Variants in TIMM23 observed in about 807,000 individuals in gnomAD.
TIMM23 encodes the protein mitochondrial import inner membrane translocase subunit Tim23.
A neutral mutation model predicts 30.7 loss-of-function variants in TIMM23; 19 were observed. The ratio of observed to expected loss-of-function variants is 0.62; its 90% CI spans 0.43 to 0.91. TIMM23 has a LOEUF of 0.91. Ranked by LOEUF, TIMM23 falls within the 40% of genes least tolerant of loss-of-function variation. The pLI is 0.00. For missense variants in TIMM23, 202 were observed against 269.2 expected (o/e 0.75, Z 1.75); for synonymous variants, 78 against 98.5 (o/e 0.79, Z 1.23).
At chr10:46,000,224 G>A (rs1372895488) in intron 6 of TIMM23, among the ~76,000 whole-genome samples, 1 of 152,222 alleles carries the variant, frequency 6.6e-6, no homozygotes, top group Non-Finnish European at 1.5e-5. Context: ...ATTGATTGGG[G>A]AAGTGATAAG....
chr10:45,986,825 A>T (rs10909671), intron 5 of TIMM23, among the ~76,000 whole-genome samples: 2 of 131,598 alleles, frequency 1.5e-5, no homozygotes, highest in Non-Finnish European at 1.6e-5. Context: ...GTGTGTGTGT[A>T]TGTGTGTGTC....
chr10:46,003,150 G>C, intron 6 of TIMM23, 53 bp from the exon 7 acceptor site: 1 of 1,385,790 alleles, frequency 7.2e-7, no homozygotes, highest in Non-Finnish European at 1.0e-6. Flanking sequence ...TATCGTGCTA[G>C]GGCACTATGC....
chr10:45,987,142 T>G (rs1369295387), intron 5 of TIMM23, among the ~76,000 whole-genome samples: 1 of 152,074 alleles, frequency 6.6e-6, no homozygotes, highest in African/African-American at 2.4e-5. Context: ...TGTTGCCAGG[T>G]GTTTGCTATT....
At chr10:45,982,501 G>T in intron 2 of TIMM23, 22 bp from the exon 3 acceptor site, 3 of 1,613,126 alleles carry the variant, frequency 1.9e-6, no homozygotes, top group Non-Finnish European at 2.5e-6. Context: ...ACTCAGCTTG[G>T]TTTTCATTAT....
chr10:45,994,596 T>C (rs1387365885), intron 6 of TIMM23, among the ~76,000 whole-genome samples: 2 of 120,904 alleles, frequency 1.7e-5, no homozygotes, highest in African/African-American at 6.5e-5. Flanking sequence ...CACGCCACCA[T>C]GCCTGGCTAA....
intron 2 of TIMM23, among the ~76,000 whole-genome samples, 188 bp downstream of exon 2, chr10:45,975,700 CA>C (rs1235929023): frequency 3.0e-4 from 46 of 152,274 alleles, no homozygotes; most frequent in Middle Eastern, 3.4e-3. Context: ...TAACTCCCTT[CA>C]AAAGCTTATT....
chr10:45,995,199 G>A (rs1554916506), intron 6 of TIMM23, among the ~76,000 whole-genome samples: 1 of 151,868 alleles, frequency 6.6e-6, no homozygotes, highest in Non-Finnish European at 1.5e-5. Context: ...TTATGTTGGA[G>A]GTGTTCCAGA....
intron 6 of TIMM23, among the ~76,000 whole-genome samples, chr10:45,998,604 C>A (rs927840623): frequency 2.6e-5 from 4 of 152,106 alleles, no homozygotes; most frequent in African/African-American, 9.7e-5. Flanking sequence ...GAAACAGTTA[C>A]AATTAGAACA....
intron 2 of TIMM23, among the ~76,000 whole-genome samples, chr10:45,980,152 A>G (rs1285394721): frequency 2.6e-5 from 4 of 151,312 alleles, no homozygotes; most frequent in African/African-American, 9.7e-5. Flanking sequence ...TTTAAAGATA[A>G]TAGAAATTAC....
intron 2 of TIMM23, among the ~76,000 whole-genome samples, chr10:45,979,385 C>T (rs868933216): frequency 1.9e-4 from 29 of 152,300 alleles, no homozygotes; most frequent in African/African-American, 6.5e-4. Context: ...TAACCTCAAA[C>T]TCCTAGGCTC....
intron 6 of TIMM23, among the ~76,000 whole-genome samples, chr10:45,996,880 A>C (rs1418791693): frequency 6.6e-6 from 1 of 150,682 alleles, no homozygotes; most frequent in African/African-American, 2.5e-5. Context: ...TGGGAGAATC[A>C]CCTGAGCCCA....
At chr10:45,979,268 G>A (rs1554913636) in intron 2 of TIMM23, among the ~76,000 whole-genome samples, 3 of 152,214 alleles carry the variant, frequency 2.0e-5, no homozygotes, top group South Asian at 2.1e-4. Flanking sequence ...AGTGGATTGT[G>A]TGATACATGA....
intron 1 of TIMM23, among the ~76,000 whole-genome samples, chr10:45,972,986 A>G (rs1335387554): frequency 6.6e-6 from 1 of 152,074 alleles, no homozygotes; most frequent in Non-Finnish European, 1.5e-5. Flanking sequence ...TCTTAGGTTT[A>G]TATCCAAGCC....
chr10:45,997,450 TG>T (rs1393714033), intron 6 of TIMM23, among the ~76,000 whole-genome samples: 1 of 151,922 alleles, frequency 6.6e-6, no homozygotes, highest in Non-Finnish European at 1.5e-5. Context: ...ACGGCTGGGA[TG>T]GGGTGTAGTT....
chr10:45,989,905 AATTTTT>A (rs1311953011), intron 6 of TIMM23, among the ~76,000 whole-genome samples: 15 of 152,254 alleles, frequency 9.9e-5, no homozygotes, highest in Non-Finnish European at 1.8e-4. Flanking sequence ...TTGGCTACTT[AATTTTT>A]ATTTTTATCA....
intron 6 of TIMM23, among the ~76,000 whole-genome samples, chr10:45,993,256 T>TTTTTTTTTTTTG (rs1838224745): frequency 7.0e-6 from 1 of 142,364 alleles, no homozygotes; most frequent in East Asian, 2.0e-4. Context: ...TTTTTTTTTT[T>TTTTTTTTTTTTG]TTTTTGGAGA....
chr10:45,999,808 TTTCACCCCTACAGTCTACAGACCATAAA>T lies in TIMM23; in HGVS notation c.515-3394_515-3367del, dbSNP rs1838464602. 2.6e-5 allele frequency among the ~76,000 whole-genome samples: 4 copies of T among 152,016 alleles called. No individual in the cohort carries two copies. The South Asian group carries it at 8.3e-4, about 32-fold the overall frequency. On this transcript the variant is annotated intron_variant, in intron 6 of 6. Transcript: ENST00000580018. ...GAGCGCTATGGGAGACTGGGGTGTA[TTTCACCCCTACAGTCTACAGACCATAAA>T]AGATGGCCACACCCAGGGGGGCCAT... is the stretch of plus-strand genomic sequence containing the variant.
intron 2 of TIMM23, among the ~76,000 whole-genome samples, chr10:45,978,373 A>G (rs1396255686): frequency 2.0e-5 from 3 of 152,192 alleles, no homozygotes; most frequent in Non-Finnish European, 4.4e-5. Flanking sequence ...GGAAAAGACA[A>G]TCCACAGACT....
At chr10:45,978,994 A>G (rs1353048256) in intron 2 of TIMM23, among the ~76,000 whole-genome samples, 1 of 152,246 alleles carries the variant, frequency 6.6e-6, no homozygotes, top group Non-Finnish European at 1.5e-5. Context: ...ATATAAATGA[A>G]CCTTTAAAAC....
Sources: gnomAD v4.1 joint callset for allele counts (sites outside exome capture counted in the v4.1 genomes callset) on GRCh38, gnomAD v4.1.1 for gene constraint, MANE v1.5 for transcripts, NCBI Gene and HGNC (gene_info 2026-07-23, HGNC 2026-07-21) for gene names.